TMEM86B: variants seen among roughly 807,000 people sequenced by gnomAD.
TMEM86B encodes lysoplasmalogenase TMEM86B.
TMEM86B carries 15 observed loss-of-function variants against 12.3 expected under a neutral mutation model. That is an observed-to-expected ratio of 1.22 (90% CI 0.81 to 1.87). TMEM86B has a LOEUF of 1.87. Among genes scored for constraint, TMEM86B ranks in the 40% most tolerant of loss-of-function variants. TMEM86B has a pLI of 0.00. For synonymous variants in TMEM86B, 173 were observed against 140.3 expected, an observed-to-expected ratio of 1.23 and a Z score of -1.65; for missense variants, 328 against 297.4, an observed-to-expected ratio of 1.10 and a Z score of -0.76.
At position 55,228,729 on chromosome 19, in the gene TMEM86B, T is replaced by C. The variant is rs576207771; in HGVS notation, c.13A>G (p.Lys5Glu). The change falls in exon 1 of 3, where the codon AAA becomes GAA. Residue 5 changes from lysine to glutamate, a missense_variant. Transcript: ENST00000327042. ...TGAGTCTTCAGGGTCTGCCCCGCTT[T>C]GCCAGCGTCCATGCTGGCCTGATAG... is the stretch of plus-strand genomic sequence containing the variant. MDAGKAGQTLKTHCS... is the reference protein window; with the variant it reads MDAGEAGQTLKTHCS... The C allele has an allele frequency of 1.2e-6, 2 of 1,613,300 alleles. No homozygotes were observed. The highest frequency in any genetic ancestry group is 1.1e-5 in the South Asian group (1 of 91,020).
intron 2 of TMEM86B, 148 bp from the exon 3 acceptor site, chr19:55,227,711 G>C (rs1019695666): frequency 3.7e-6 from 4 of 1,080,138 alleles, no homozygotes; most frequent in Non-Finnish European, 5.1e-6. Flanking sequence ...CACATGCAGT[G>C]TCCATCCTTG....
At chr19:55,228,563 A>G (rs2087307992) in intron 1 of TMEM86B, 126 bp from the exon 2 acceptor site, 1 of 1,519,664 alleles carries the variant, frequency 6.6e-7, no homozygotes, top group Admixed American at 2.0e-5. Context: ...CCATTCAGGG[A>G]CCAGGCTGCC....
At chr19:55,227,793 C>T (rs1362750155) in intron 2 of TMEM86B, 1 of 640,538 alleles carries the variant, frequency 1.6e-6, no homozygotes, top group East Asian at 2.8e-5. Flanking sequence ...AGCTCTCCAG[C>T]CACTCTGCGC....
rs2087287428 is a variant in TMEM86B, at chr19:55,227,037, C to T, written c.*144G>A. ...GCAAATCGTCCTCAAACGTCTTCAGCCAGAAGCGACGGCGGCAGCGGCGCC... is the reference window on the plus strand; with the variant it reads ...GCAAATCGTCCTCAAACGTCTTCAGTCAGAAGCGACGGCGGCAGCGGCGCC... On this transcript the variant is annotated 3_prime_UTR_variant, in exon 3 of 3. Coordinates refer to ENST00000327042, the MANE Select transcript of TMEM86B (RefSeq NM_173804.5). 2 of 989,834 alleles carry T rather than the reference C, an allele frequency of 2.0e-6. No homozygotes were observed. Among genetic ancestry groups the T allele is most frequent in the South Asian group, 3.3e-5 (1 of 30,456 alleles). 61.3% of individuals were successfully genotyped at this position (989,834 alleles called of 1,614,324 possible).
intron 2 of TMEM86B, chr19:55,227,936 C>T: frequency 1.5e-6 from 1 of 664,088 alleles, no homozygotes; most frequent in Non-Finnish European, 2.5e-6. Flanking sequence ...TGAGGCCTTC[C>T]TCAGCAACCC....
rs1198084055 is a variant in TMEM86B, at chr19:55,227,272, T to C, written c.590A>G (p.His197Arg). 2.5e-6 allele frequency: 4 copies of C among 1,606,696 alleles called. No homozygotes were observed. Among genetic ancestry groups the C allele is most frequent in the Non-Finnish European group, 3.4e-6 (4 of 1,175,832 alleles). ...GGTGGTCATGATCACCAGGTGGGCATGGGGCAGGGGCTGGGCGAAGGTGTC... is the reference window on the plus strand; with the variant it reads ...GGTGGTCATGATCACCAGGTGGGCACGGGGCAGGGGCTGGGCGAAGGTGTC... ...AWDTFAQPLP[H>R]AHLVIMTTYY... is the part of the protein sequence containing the mutation. Residue 197 changes from histidine to arginine, a missense_variant, in exon 3 of 3, where the codon CAT (histidine) becomes CGT (arginine). Coordinates refer to ENST00000327042, the MANE Select transcript of TMEM86B (RefSeq NM_173804.5).
At chr19:55,227,683 C>A in intron 2 of TMEM86B, 120 bp from the exon 3 acceptor site, 1 of 1,318,820 alleles carries the variant, frequency 7.6e-7, no homozygotes, top group Non-Finnish European at 1.0e-6. Context: ...CCTGGCCGAG[C>A]CTCCTTGCAG....
In TMEM86B at chr19:55,227,428, G is replaced by T; in HGVS notation, c.434C>A (p.Pro145Gln). The T allele has an allele frequency of 6.4e-7, 1 of 1,569,822 alleles. No individual in the cohort carries two copies. Among genetic ancestry groups the T allele is most frequent in the Non-Finnish European group, 8.6e-7 (1 of 1,157,360 alleles). ...YLSLVLQHLE[P>Q]DMVLPVAAYG... Reference sequence around the variant, plus strand: ...GGCTGCCACCGGCAGGACCATATCCGGCTCGAGGTGCTGGAGCACAAGGCT... The same window carrying T: ...GGCTGCCACCGGCAGGACCATATCCTGCTCGAGGTGCTGGAGCACAAGGCT... Residue 145 changes from proline to glutamine, a missense_variant, in exon 3 of 3, where the codon CCG (proline) becomes CAG (glutamine). Pro to Gln is a moderately conservative substitution (Grantham distance 76). Transcript: ENST00000327042.
chr19:55,228,637 G>T, intron 1 of TMEM86B, 54 bp downstream of exon 1: 1 of 1,584,462 alleles, frequency 6.3e-7, no homozygotes, highest in East Asian at 2.3e-5. Flanking sequence ...GCCGGCTGCT[G>T]GGGTTCCAGG....
intron 2 of TMEM86B, 92 bp from the exon 3 acceptor site, chr19:55,227,655 C>CA: frequency 7.1e-7 from 1 of 1,417,670 alleles, no homozygotes; most frequent in Non-Finnish European, 9.3e-7. Context: ...AGGACCATCC[C>CA]AGAGCACCAG....
At chr19:55,228,656 C>T in intron 1 of TMEM86B, 35 bp downstream of exon 1, 2 of 1,598,084 alleles carry the variant, frequency 1.3e-6, no homozygotes, top group Non-Finnish European at 1.7e-6. Flanking sequence ...GGGCCCTGTC[C>T]CCCCAGCCCC....
intron 2 of TMEM86B, 41 bp from the exon 3 acceptor site, chr19:55,227,604 C>G (rs566637712): frequency 6.7e-7 from 1 of 1,484,752 alleles, no homozygotes; most frequent in Non-Finnish European, 9.0e-7. Flanking sequence ...GAAGGCCCAT[C>G]CTGGGAATGG....
In TMEM86B at chr19:55,227,048, G is replaced by T; in HGVS notation, c.*133C>A. On this transcript the variant is annotated 3_prime_UTR_variant, in exon 3 of 3. Coordinates refer to ENST00000327042, the MANE Select transcript of TMEM86B (RefSeq NM_173804.5). The stretch of plus-strand genomic sequence containing the variant: ...TCAAACGTCTTCAGCCAGAAGCGAC[G>T]GCGGCAGCGGCGCCTGCAGACAGGC... 1 of 1,070,742 alleles carries T rather than the reference G, an allele frequency of 9.3e-7. No individual in the cohort carries two copies. Among genetic ancestry groups the T allele is most frequent in the Non-Finnish European group, 1.2e-6 (1 of 808,756 alleles). The allele number at this position is 1,070,742 out of a possible 1,614,324, so 66.3% of individuals were successfully genotyped here.
chr19:55,228,369 A>T lies in TMEM86B; in HGVS notation c.120T>A (p.Ile40=), dbSNP rs878919351. Residue 40 remains isoleucine, a synonymous_variant, in exon 2 of 3, where the codon ATT becomes ATA. Transcript: ENST00000327042. ...LSCCVYFCLW[I]PEDQLSWFAA... The stretch of plus-strand genomic sequence containing the variant: ...CGAACCAGGACAGCTGGTCCTCGGG[A>T]ATCCAGAGGCAGAAGTACACGCAGC... 1 of 1,613,896 alleles carries T rather than the reference A, an allele frequency of 6.2e-7. No homozygotes were observed. Among genetic ancestry groups the T allele is most frequent in the Non-Finnish European group, 8.5e-7 (1 of 1,180,008 alleles).
Position 55,228,260 on chromosome 19 carries a change from G to A in TMEM86B, c.229C>T (p.Leu77Phe), listed in dbSNP as rs1183035809. 6.2e-7 allele frequency: 1 copy of A among 1,612,892 alleles called. No individual in the cohort carries two copies. The highest frequency in any genetic ancestry group is 1.1e-5 in the South Asian group (1 of 90,952). ...GCCGAGCACACAAGGGCTCCCTGGA[G>A]GAGCTGGGTGTAGCCCCCGCTTGGG... Reference protein sequence around the residue: ...MSPSGGYTQLLQGALVCSAVG... With the variant: ...MSPSGGYTQLFQGALVCSAVG... Residue 77 changes from leucine to phenylalanine, a missense_variant, in exon 2 of 3, where the codon CTC becomes TTC. By Grantham distance (22) the Leu-to-Phe change is conservative. Transcript: ENST00000327042.
Position 55,226,884 on chromosome 19 carries a change from G to A in TMEM86B, c.*297C>T, listed in dbSNP as rs531131661. ...GCAGCAGGGGGCGGGCAGGCTGTGG[G>A]GCCGACAGTGAACATGGAGGCAGGC... On this transcript the variant is annotated 3_prime_UTR_variant, in exon 3 of 3. Transcript: ENST00000327042. 3.3e-5 allele frequency: 11 copies of A among 334,164 alleles called. No homozygotes were observed. In the East Asian group the frequency reaches 4.2e-4, roughly 13 times the overall value. 20.7% of individuals were successfully genotyped at this position (334,164 alleles called of 1,614,324 possible). A position where few individuals can be genotyped will look rare whatever the true frequency, so the allele number is the denominator to read the frequency against.
rs145884414 is a variant in TMEM86B, at chr19:55,227,203, C to T, written c.659G>A (p.Ser220Asn). 1 of 1,531,116 alleles carries T rather than the reference C, an allele frequency of 6.5e-7. No homozygotes were observed. Among genetic ancestry groups the T allele is most frequent in the East Asian group, 2.3e-5 (1 of 43,210 alleles). The allele number at this position is 1,531,116 out of a possible 1,614,324, so 94.8% of individuals were successfully genotyped here. Reference protein sequence around the residue: ...QLLITLSALRSPVPKTD With the variant: ...QLLITLSALRNPVPKTD ...TAGTCAGTCAGTCTTGGGCACCGGGCTCCTGAGGGCTGACAGTGTGATGAG... is the reference window on the plus strand; with the variant it reads ...TAGTCAGTCAGTCTTGGGCACCGGGTTCCTGAGGGCTGACAGTGTGATGAG... The change falls in exon 3 of 3, where the codon AGC becomes AAC. Residue 220 changes from serine (S) to asparagine (N), a missense_variant. Ser to Asn is a conservative substitution (Grantham distance 46). Coordinates refer to ENST00000327042, the MANE Select transcript of TMEM86B (RefSeq NM_173804.5).
In TMEM86B at chr19:55,228,364, TC is replaced by T; in HGVS notation, c.124del (p.Glu42ArgfsTer115). ...CCVYFCLWIPEDQLSWFAALV... is the reference protein window; with the variant it reads ...CCVYFCLWIPXDQLSWFAALV... ...GGCAGCGAACCAGGACAGCTGGTCC[TC>T]GGGAATCCAGAGGCAGAAGTACACG... On this transcript the variant is annotated frameshift_variant, in exon 2 of 3. Transcript: ENST00000327042. LOFTEE classifies it high-confidence loss of function. The T allele has an allele frequency of 1.2e-6, 2 of 1,613,842 alleles. No homozygotes were observed. Among genetic ancestry groups the T allele is most frequent in the South Asian group, 2.2e-5 (2 of 91,072 alleles).
rs746912202 is a variant in TMEM86B at position 55,228,199 on chromosome 19, A to G, written c.290T>C (p.Phe97Ser). ...CAGCACCTTCCACTCACCAGGGACG[A>G]AGGCTGCCGGCCAGATGAGGCAAGC... is the stretch of plus-strand genomic sequence containing the variant. Reference protein sequence around the residue: ...GDACLIWPAAFVPGMAAFATA... With the variant: ...GDACLIWPAASVPGMAAFATA... Residue 97 changes from phenylalanine (F) to serine (S), a missense_variant, in exon 2 of 3, where the codon TTC becomes TCC. Phe to Ser is a radical substitution (Grantham distance 155). Transcript: ENST00000327042. The G allele has an allele frequency of 6.2e-7, 1 of 1,610,218 alleles. No individual in the cohort carries two copies. Among genetic ancestry groups the G allele is most frequent in the South Asian group, 1.1e-5 (1 of 90,784 alleles).
Sources: gnomAD v4.1 joint callset for allele counts on GRCh38, gnomAD v4.1.1 for gene constraint, MANE v1.5 for transcripts, NCBI Gene and HGNC (gene_info 2026-07-23, HGNC 2026-07-21) for gene names.